TIAM1: variants seen among roughly 807,000 people sequenced by gnomAD.
TIAM1 encodes the protein TIAM Rac1 associated GEF 1, also known as rho guanine nucleotide exchange factor TIAM1.
TIAM1 carries 65 observed loss-of-function variants against 163.5 expected under a neutral mutation model. The observed-to-expected ratio is 0.40, with a 90% CI of 0.33 to 0.49. TIAM1 has a LOEUF of 0.49. Ranked by LOEUF, TIAM1 falls within the 20% of genes least tolerant of loss-of-function variation. The probability of loss-of-function intolerance (pLI) is 0.77; values close to 1 mark genes in which losing one functional copy is unlikely to be tolerated. For synonymous variants in TIAM1, 833 were observed against 810.1 expected (o/e 1.03, Z -0.48); for missense variants, 1,789 against 2,044.7 (o/e 0.87, Z 2.41).
At chr21:31,517,440 A>G (rs1037983239) in intron 1 of TIAM1, among the ~76,000 whole-genome samples, 20 of 152,294 alleles carry the variant, frequency 1.3e-4, no homozygotes, top group Admixed American at 1.1e-3. Context: ...TACTATTACT[A>G]TGATTACTCA....
chr21:31,555,738 A>G (rs1441065955), intron 1 of TIAM1, among the ~76,000 whole-genome samples: 1 of 152,216 alleles, frequency 6.6e-6, no homozygotes, highest in African/African-American at 2.4e-5. Flanking sequence ...CTGCACATCT[A>G]TGAAAGTGTT....
chr21:31,430,228 ATATATATATATAT>A (rs2043967044), intron 2 of TIAM1, among the ~76,000 whole-genome samples: 36 of 55,498 alleles, frequency 6.5e-4, no homozygotes, highest in African/African-American at 3.5e-3. Flanking sequence ...AAAAAAAAAT[ATATATATATATAT>A]ATATATACAC....
In TIAM1 at chr21:31,195,297, T is replaced by C. The variant is rs2085787882; in HGVS notation, c.2502A>G (p.Lys834=). 2 of 1,611,574 alleles carry C rather than the reference T, an allele frequency of 1.2e-6. No homozygotes were observed. The highest frequency in any genetic ancestry group is 2.2e-5 in the South Asian group (2 of 90,786). Residue 834 remains lysine, a synonymous_variant, in exon 13 of 28, where the codon AAA becomes AAG. Transcript: ENST00000541036. ...PEEDIYELLY[K]EIEICPKVTQ... is the part of the protein sequence containing the mutation. ...TGACTTTTGGACAGATTTCAATTTC[T>C]TTGTACAGCTGAAAGTTACAAAGGG...
At chr21:31,152,375 G>T (rs2083417697) in intron 19 of TIAM1, among the ~76,000 whole-genome samples, 1 of 152,104 alleles carries the variant, frequency 6.6e-6, no homozygotes. Flanking sequence ...AGCATTAAAG[G>T]CCCCCACATA....
At chr21:31,544,283 G>A (rs987661326) in intron 1 of TIAM1, among the ~76,000 whole-genome samples, 1 of 151,336 alleles carries the variant, frequency 6.6e-6, no homozygotes, top group African/African-American at 2.4e-5. Context: ...CACTTTGGGA[G>A]GCCCAGGTAG....
At chr21:31,365,298 ATT>A (rs1427444262) in intron 2 of TIAM1, among the ~76,000 whole-genome samples, 1 of 151,710 alleles carries the variant, frequency 6.6e-6, no homozygotes, top group Non-Finnish European at 1.5e-5. Context: ...TTATTGCATA[ATT>A]CTCCATGGAT....
At chr21:31,169,814 A>G (rs2084418755) in intron 15 of TIAM1, among the ~76,000 whole-genome samples, 1 of 152,178 alleles carries the variant, frequency 6.6e-6, no homozygotes, top group Non-Finnish European at 1.5e-5. Context: ...GGTGGAAGTG[A>G]TTATATTTAA....
At chr21:31,554,300 G>C (rs1408252913) in intron 1 of TIAM1, among the ~76,000 whole-genome samples, 4 of 152,128 alleles carry the variant, frequency 2.6e-5, no homozygotes. Context: ...AACTGCATTA[G>C]AGTCCTTTGC....
Position 31,393,199 on chromosome 21 carries a change from G to A in TIAM1, c.-368-53777C>T, listed in dbSNP as rs550983015. ...TCGAACTCCTGACCTCAAGTGATCC[G>A]CCCACTTTGGCCTCCCAAAGTTCTG... On this transcript the variant is annotated intron_variant, in intron 2 of 28. Transcript: ENST00000286827. Among the ~76,000 whole-genome samples, 177 of 152,162 alleles carry A rather than the reference G, an allele frequency of 1.2e-3. 2 individuals carry two copies. Among genetic ancestry groups the A allele is most frequent in the Admixed American group, 1.4e-3 (22 of 15,278 alleles).
rs1568851600 is a variant in TIAM1 at position 31,119,109 on chromosome 21, A to ATTT, written c.*1258_*1259insAAA. ...AGAAAAAGCTATAAACCTTTTTTTAAAAAAAAAAAAAAAATTGAAAGTGCT... is the reference window on the plus strand; with the variant it reads ...AGAAAAAGCTATAAACCTTTTTTTAATTTAAAAAAAAAAAAAATTGAAAGTGCT... On this transcript the variant is annotated 3_prime_UTR_variant, in exon 28 of 28. Transcript: ENST00000541036. The ATTT allele has an allele frequency of 8.9e-5, 11 of 123,792 alleles. No individual in the cohort carries two copies. Among genetic ancestry groups the ATTT allele is most frequent in the African/African-American group, 2.2e-4 (8 of 36,132 alleles). 7.7% of individuals were successfully genotyped at this position (123,792 alleles called of 1,614,324 possible). A position where few individuals can be genotyped will look rare whatever the true frequency, so the allele number is the denominator to read the frequency against.
intron 11 of TIAM1, among the ~76,000 whole-genome samples, chr21:31,209,144 C>T (rs1057298742): frequency 5.3e-5 from 8 of 152,162 alleles, no homozygotes; most frequent in African/African-American, 1.9e-4. Context: ...TCCTTTGCAA[C>T]TGACTGTGAT....
At chr21:31,503,644 T>G in intron 1 of TIAM1, among the ~76,000 whole-genome samples, 1 of 47,724 alleles carries the variant, frequency 2.1e-5, no homozygotes, top group Admixed American at 2.7e-4. Context: ...AAAATACACT[T>G]GCTTTTTCTC....
intron 1 of TIAM1, among the ~76,000 whole-genome samples, chr21:31,506,676 G>A (rs543610587): frequency 3.3e-5 from 5 of 152,182 alleles, no homozygotes; most frequent in Admixed American, 1.3e-4. Context: ...CCAGCACTTT[G>A]GGAGGCTGAG....
chr21:31,432,130 C>T, intron 2 of TIAM1, among the ~76,000 whole-genome samples: 1 of 109,610 alleles, frequency 9.1e-6, no homozygotes, highest in African/African-American at 3.7e-5. Context: ...GAGACGGAGT[C>T]TCGCTCTGAC....
intron 2 of TIAM1, among the ~76,000 whole-genome samples, chr21:31,421,592 G>A (rs147023612): frequency 6.6e-6 from 1 of 152,310 alleles, no homozygotes; most frequent in East Asian, 1.9e-4. Flanking sequence ...GATCTGAGAT[G>A]GAACAGTTTC....
chr21:31,326,504 C>T (rs2075492038), intron 2 of TIAM1, among the ~76,000 whole-genome samples: 1 of 152,198 alleles, frequency 6.6e-6, no homozygotes, highest in Non-Finnish European at 1.5e-5. Context: ...CTTCAGTGCA[C>T]ACCATCAGAC....
intron 2 of TIAM1, among the ~76,000 whole-genome samples, chr21:31,284,643 C>T (rs1162741498): frequency 6.6e-6 from 1 of 152,070 alleles, no homozygotes; most frequent in Admixed American, 6.5e-5. Context: ...CTCAACCTCC[C>T]GAGTAGCTGG....
At chr21:31,556,247 T>G (rs1229397111) in intron 1 of TIAM1, among the ~76,000 whole-genome samples, 1 of 152,204 alleles carries the variant, frequency 6.6e-6, no homozygotes, top group East Asian at 1.9e-4. Flanking sequence ...TCATATTTAT[T>G]AATTGACATC....
rs149597126 is a variant in TIAM1, at chr21:31,176,725, C to T, written c.2887+5696G>A. On this transcript the variant is annotated intron_variant, in intron 15 of 27. Coordinates refer to ENST00000541036, the MANE Select transcript of TIAM1 (RefSeq NM_001353694.2). ...AAACTATAGAAGGTTTGCATGTCAC[C>T]GTAAAATTCCAATTATCTTATGATT... Among the ~76,000 whole-genome samples the T allele has an allele frequency of 2.6e-3, 392 of 152,112 alleles. 3 individuals are homozygous for T. The highest frequency in any genetic ancestry group is 9.0e-3 in the African/African-American group (372 of 41,500).
Sources: gnomAD v4.1 joint callset for allele counts (sites outside exome capture counted in the v4.1 genomes callset) on GRCh38, gnomAD v4.1.1 for gene constraint, MANE v1.5 for transcripts, NCBI Gene and HGNC (gene_info 2026-07-23, HGNC 2026-07-21) for gene names.